The following RBFOX1 variants were observed in gnomAD, a reference collection of about 807,000 sequenced individuals.
The protein encoded by RBFOX1 is RNA binding protein fox-1 homolog 1.
RBFOX1 carries 8 observed loss-of-function variants against 57.7 expected under a neutral mutation model. The observed-to-expected ratio is 0.14, with a 90% CI of 0.08 to 0.25. The LOEUF (loss-of-function observed/expected upper bound fraction) is 0.25. RBFOX1 is among the 10% of genes least tolerant of loss of function. The probability of loss-of-function intolerance (pLI) is 1.00; values close to 1 mark genes in which losing one functional copy is unlikely to be tolerated. For missense variants in RBFOX1, 611 were observed against 548.5 expected, an observed-to-expected ratio of 1.11 and a Z score of -1.14; for synonymous variants, 326 against 222.4, an observed-to-expected ratio of 1.47 and a Z score of -4.15.
At chr16:7,359,328 C>T (rs987186107) in intron 4 of RBFOX1, among the ~76,000 whole-genome samples, 18 of 152,148 alleles carry the variant, frequency 1.2e-4, no homozygotes, top group African/African-American at 4.1e-4. Flanking sequence ...AAATGTTTAT[C>T]ACATAGTAAG....
intron 3 of RBFOX1, among the ~76,000 whole-genome samples, chr16:5,847,436 C>A (rs532313846): frequency 9.2e-5 from 14 of 151,930 alleles, no homozygotes; most frequent in African/African-American, 2.2e-4. Context: ...ACAGATGTTA[C>A]AGGAGAGAGA....
chr16:5,318,503 C>T (rs572386793), intron 1 of RBFOX1, among the ~76,000 whole-genome samples: 1 of 152,278 alleles, frequency 6.6e-6, no homozygotes, highest in South Asian at 2.1e-4. Flanking sequence ...GTAAATGATG[C>T]CTGTCCCCTC....
chr16:5,911,613 CTGTT>C (rs892699523), intron 4 of RBFOX1, among the ~76,000 whole-genome samples: 1 of 152,160 alleles, frequency 6.6e-6, no homozygotes, highest in Non-Finnish European at 1.5e-5. Context: ...TTGTTTTACT[CTGTT>C]TGGGCTGATG....
intron 14 of RBFOX1, among the ~76,000 whole-genome samples, chr16:7,687,232 A>T (rs988171367): frequency 6.6e-6 from 1 of 152,098 alleles, no homozygotes; most frequent in African/African-American, 2.4e-5. Flanking sequence ...GCAGGTAAAA[A>T]ATATGAATCT....
chr16:6,802,042 T>A (rs1370093619), intron 3 of RBFOX1, among the ~76,000 whole-genome samples: 1 of 152,050 alleles, frequency 6.6e-6, no homozygotes, highest in Non-Finnish European at 1.5e-5. Context: ...TAAACTTGTT[T>A]GTGGAGGCCT....
chr16:6,676,617 C>A (rs369307248), intron 3 of RBFOX1, among the ~76,000 whole-genome samples: 7 of 150,574 alleles, frequency 4.6e-5, no homozygotes, highest in Non-Finnish European at 1.0e-4. Context: ...TACCAGGAGC[C>A]TTTACAGATG....
chr16:7,374,899 C>T (rs2097655621), intron 4 of RBFOX1, among the ~76,000 whole-genome samples: 2 of 152,158 alleles, frequency 1.3e-5, no homozygotes, highest in Admixed American at 1.3e-4. Flanking sequence ...CTTCCATGAC[C>T]TGCCAGCACT....
At chr16:6,086,689 T>G (rs1440980940) in intron 1 of RBFOX1, among the ~76,000 whole-genome samples, 1 of 152,214 alleles carries the variant, frequency 6.6e-6, no homozygotes, top group Non-Finnish European at 1.5e-5. Flanking sequence ...AGATGGAGTT[T>G]TGAAGAATAC....
intron 3 of RBFOX1, among the ~76,000 whole-genome samples, chr16:7,033,146 C>T (rs1386382663): frequency 1.3e-5 from 2 of 152,124 alleles, no homozygotes; most frequent in Admixed American, 6.6e-5. Flanking sequence ...GTGCAGTAAG[C>T]AGGTTCTGAT....
intron 12 of RBFOX1, among the ~76,000 whole-genome samples, chr16:7,659,496 G>A (rs779081930): frequency 1.3e-5 from 2 of 152,034 alleles, no homozygotes; most frequent in East Asian, 1.9e-4. Flanking sequence ...ACACAGGGGC[G>A]TCCAATCTTT....
At chr16:5,350,960 A>G (rs1454997006) in intron 1 of RBFOX1, among the ~76,000 whole-genome samples, 1 of 152,174 alleles carries the variant, frequency 6.6e-6, no homozygotes, top group Non-Finnish European at 1.5e-5. Flanking sequence ...CAACTGCCTA[A>G]TTGGTGAGAA....
intron 4 of RBFOX1, among the ~76,000 whole-genome samples, chr16:7,189,174 C>T (rs1435666121): frequency 6.6e-6 from 1 of 151,666 alleles, no homozygotes; most frequent in Admixed American, 6.6e-5. Flanking sequence ...GCCTGTAATC[C>T]CAGCACTTTG....
chr16:7,177,390 T>C (rs1455954871), intron 4 of RBFOX1, among the ~76,000 whole-genome samples: 1 of 151,982 alleles, frequency 6.6e-6, no homozygotes, highest in African/African-American at 2.4e-5. Context: ...CTGGAGGTGA[T>C]GGGTAGTGTA....
At chr16:6,628,115 C>T (rs78012270) in intron 2 of RBFOX1, among the ~76,000 whole-genome samples, 2,196 of 152,266 alleles carry the variant, frequency 0.014, 62 homozygotes, top group African/African-American at 0.049. Flanking sequence ...TTTTCCACTT[C>T]GCAGTCCCCA....
intron 3 of RBFOX1, among the ~76,000 whole-genome samples, chr16:6,732,821 A>G (rs2069012817): frequency 2.0e-5 from 3 of 152,132 alleles, no homozygotes; most frequent in South Asian, 4.1e-4. Context: ...TTTTTTGTTC[A>G]TGTTTTTGTT....
chr16:5,293,552 T>C (rs1359600387), intron 1 of RBFOX1, among the ~76,000 whole-genome samples: 1 of 152,178 alleles, frequency 6.6e-6, no homozygotes, highest in Non-Finnish European at 1.5e-5. Flanking sequence ...CCAAGGTCCA[T>C]CCACATGTAG....
chr16:5,707,904 C>T (rs2051312294), intron 3 of RBFOX1, among the ~76,000 whole-genome samples: 1 of 152,116 alleles, frequency 6.6e-6, no homozygotes, highest in Non-Finnish European at 1.5e-5. Flanking sequence ...GTACTTAATA[C>T]TATTTGTAAC....
At chr16:7,040,528 A>G (rs530613965) in intron 3 of RBFOX1, among the ~76,000 whole-genome samples, 2 of 152,256 alleles carry the variant, frequency 1.3e-5, no homozygotes, top group South Asian at 4.1e-4. Context: ...ACAGAATCCA[A>G]GATTAAAAAT....
At chr16:5,536,050 CT>C (rs2044681126) in intron 2 of RBFOX1, among the ~76,000 whole-genome samples, 2 of 151,838 alleles carry the variant, frequency 1.3e-5, no homozygotes, top group Admixed American at 1.3e-4. Context: ...TTACTTTTAG[CT>C]TCTTTTGCCT....
Sources: gnomAD v4.1 joint callset for allele counts (sites outside exome capture counted in the v4.1 genomes callset) on GRCh38, gnomAD v4.1.1 for gene constraint, MANE v1.5 for transcripts, NCBI Gene and HGNC (gene_info 2026-07-23, HGNC 2026-07-21) for gene names.